The following GTF2I variants were observed in gnomAD, a reference collection of about 807,000 sequenced individuals.
GTF2I encodes the protein general transcription factor IIi, also known as general transcription factor II-I.
GTF2I carries 12 observed loss-of-function variants against 67.6 expected under a neutral mutation model. The observed-to-expected ratio is 0.18, with a 90% CI of 0.11 to 0.29. The LOEUF is 0.29. Among genes scored for constraint, GTF2I ranks in the 10% least tolerant of loss-of-function variants. GTF2I has a pLI of 1.00. For missense variants in GTF2I, 271 were observed against 580.1 expected (o/e 0.47, Z 5.47); for synonymous variants, 149 against 197.0 (o/e 0.76, Z 2.04).
rs587724602 is a variant in GTF2I, at chr7:74,737,243, G to A, written c.1619+560G>A. 3.4e-4 allele frequency among the ~76,000 whole-genome samples: 51 copies of A among 149,908 alleles called. 1 individual carries two copies. The South Asian group carries it at 0.011, about 31-fold the overall frequency. On this transcript the variant is annotated intron_variant, in intron 18 of 34. Transcript: ENST00000573035. ...AAAATGCAATGAAGTGTTATTGAGCGTTTTTAAGGGAGAAGGCAAGGATGG... is the reference window on the plus strand; with the variant it reads ...AAAATGCAATGAAGTGTTATTGAGCATTTTTAAGGGAGAAGGCAAGGATGG...
At position 74,678,795 on chromosome 7, in the gene GTF2I, A is replaced by G. The variant is rs141219163; in HGVS notation, c.-5-10329A>G. 5.7e-3 allele frequency among the ~76,000 whole-genome samples: 871 copies of G among 152,198 alleles called. 10 individuals are homozygous for G. The highest frequency in any genetic ancestry group is 0.02 in the African/African-American group (825 of 41,546). On this transcript the variant is annotated intron_variant, in intron 1 of 34. Transcript: ENST00000573035. ...CTCATATATATATATTTTTTGAGACAGAGTCTCGCTCTGTCACCCAGGCTG... is the reference window on the plus strand; with the variant it reads ...CTCATATATATATATTTTTTGAGACGGAGTCTCGCTCTGTCACCCAGGCTG...
chr7:74,711,572 T>C (rs1032401446), intron 9 of GTF2I, among the ~76,000 whole-genome samples: 11 of 152,214 alleles, frequency 7.2e-5, no homozygotes, highest in Non-Finnish European at 1.3e-4. Flanking sequence ...AAAAGTTTCC[T>C]GTGTCCCCTT....
rs915471885 is a variant in GTF2I, at chr7:74,683,855, C to G, written c.-5-5269C>G. On this transcript the variant is annotated intron_variant, in intron 1 of 34. Coordinates refer to ENST00000573035, the MANE Select transcript of GTF2I (RefSeq NM_032999.4). ...GCAACAGAGCGAGACTCCTTCCCCC[C>G]ACCAAAGAAAAAAAAAACTTAAAAA... Among the ~76,000 whole-genome samples, 34 of 151,888 alleles carry G rather than the reference C, an allele frequency of 2.2e-4. 1 individual carries two copies. Among genetic ancestry groups the G allele is most frequent in the Admixed American group, 1.7e-3 (26 of 15,262 alleles).
chr7:74,668,110 G>C (rs1412113172), intron 1 of GTF2I, among the ~76,000 whole-genome samples: 4 of 151,418 alleles, frequency 2.6e-5, no homozygotes, highest in African/African-American at 9.7e-5. Context: ...GGGATTACAG[G>C]CGTGAGCCAC....
intron 1 of GTF2I, among the ~76,000 whole-genome samples, chr7:74,664,488 C>T (rs1381103592): frequency 6.6e-6 from 1 of 152,140 alleles, no homozygotes; most frequent in African/African-American, 2.4e-5. Flanking sequence ...GGCTAAAGTG[C>T]AATGGCGCGA....
At chr7:74,750,316 C>T (rs1795732565) in intron 26 of GTF2I, among the ~76,000 whole-genome samples, 1 of 107,490 alleles carries the variant, frequency 9.3e-6, no homozygotes, top group African/African-American at 2.7e-5. Context: ...TGGTAGCTGG[C>T]ACCTATAATC....
intron 11 of GTF2I, among the ~76,000 whole-genome samples, chr7:74,717,569 A>C (rs1261919675): frequency 1.3e-5 from 2 of 152,168 alleles, no homozygotes; most frequent in African/African-American, 4.8e-5. Context: ...GGTTCCACAC[A>C]AATTTTTGTA....
chr7:74,696,724 A>C (rs1554398464), intron 3 of GTF2I, among the ~76,000 whole-genome samples: 1 of 151,548 alleles, frequency 6.6e-6, no homozygotes, highest in Admixed American at 6.6e-5. Context: ...TAAACTCCTG[A>C]CCTCAGGCGA....
chr7:74,719,334 T>C (rs782813678), intron 12 of GTF2I, among the ~76,000 whole-genome samples: 11 of 152,206 alleles, frequency 7.2e-5, no homozygotes, highest in Admixed American at 4.6e-4. Flanking sequence ...GTTGATAGTT[T>C]AGTGAGTAAT....
At chr7:74,724,130 A>C (rs1302204288) in intron 12 of GTF2I, among the ~76,000 whole-genome samples, 2 of 152,028 alleles carry the variant, frequency 1.3e-5, no homozygotes, top group Non-Finnish European at 2.9e-5. Context: ...CTTTGTTTTA[A>C]ATTTTTTTTA....
intron 1 of GTF2I, among the ~76,000 whole-genome samples, chr7:74,670,058 C>T (rs587712533): frequency 6.6e-6 from 1 of 152,148 alleles, no homozygotes; most frequent in African/African-American, 2.4e-5. Flanking sequence ...TTTCAATTTA[C>T]CAGGCTTGGA....
At chr7:74,706,525 T>C in intron 8 of GTF2I, 92 bp downstream of exon 8, 1 of 991,802 alleles carries the variant, frequency 1.0e-6, no homozygotes, top group South Asian at 1.4e-5. Flanking sequence ...TATTGTTTTG[T>C]TTTGATAAGA....
chr7:74,671,405 T>G (rs945230753), intron 1 of GTF2I, among the ~76,000 whole-genome samples: 2 of 151,628 alleles, frequency 1.3e-5, no homozygotes, highest in African/African-American at 2.4e-5. Flanking sequence ...TCTTTATTAT[T>G]TTGTCATTCT....
chr7:74,682,540 C>T (rs587691186), intron 1 of GTF2I, among the ~76,000 whole-genome samples: 1 of 152,250 alleles, frequency 6.6e-6, no homozygotes, highest in East Asian at 1.9e-4. Context: ...GCCAAGGAAC[C>T]AAGTCTCGAA....
chr7:74,750,593 C>CTTTTT (rs782022584), intron 26 of GTF2I, among the ~76,000 whole-genome samples: 3 of 69,026 alleles, frequency 4.3e-5, no homozygotes, highest in Admixed American at 2.3e-4. Context: ...AAGCTGGCCA[C>CTTTTT]TTTTTTTTTT....
At chr7:74,668,730 C>T (rs782341885) in intron 1 of GTF2I, among the ~76,000 whole-genome samples, 3 of 151,776 alleles carry the variant, frequency 2.0e-5, no homozygotes, top group Non-Finnish European at 2.9e-5. Flanking sequence ...CCGGCCACCA[C>T]GCCTGGCTAA....
At chr7:74,730,713 C>CTTTTTTTTTTTTTTTTTTTTTT (rs869183139) in intron 14 of GTF2I, among the ~76,000 whole-genome samples, 6 of 63,920 alleles carry the variant, frequency 9.4e-5, no homozygotes, top group South Asian at 7.2e-4. Context: ...CTACTTTTAT[C>CTTTTTTTTTTTTTTTTTTTTTT]TTTTTTTTTT....
intron 6 of GTF2I, among the ~76,000 whole-genome samples, chr7:74,704,397 TCTC>T (rs1467905238): frequency 2.6e-5 from 4 of 151,278 alleles, no homozygotes; most frequent in African/African-American, 9.7e-5. Flanking sequence ...CTCAAGCAAA[TCTC>T]CTGCCTCAGC....
intron 3 of GTF2I, 57 bp from the exon 4 acceptor site, chr7:74,698,904 G>T (rs1338764890): frequency 6.1e-6 from 5 of 823,000 alleles, no homozygotes; most frequent in Non-Finnish European, 8.5e-6. Flanking sequence ...AAATATTAAG[G>T]TAATGGATAT....
Sources: allele counts gnomAD v4.1 joint callset (sites outside exome capture counted in the v4.1 genomes callset), GRCh38; gene constraint gnomAD v4.1.1; transcripts MANE v1.5; gene names NCBI Gene and HGNC (gene_info 2026-07-23, HGNC 2026-07-21).